The following NINL variants were observed in gnomAD, a reference collection of about 807,000 sequenced individuals.
The protein encoded by NINL is ninein-like protein.
In NINL, 153 loss-of-function variants were observed where a neutral mutation model predicts 160.3. That is an observed-to-expected ratio of 0.95 (90% confidence interval 0.84 to 1.09). The LOEUF is 1.09. NINL is among the 50% of genes least tolerant of loss of function. NINL has a pLI of 0.00. For missense variants in NINL, 1,829 were observed against 1,764.0 expected, an observed-to-expected ratio of 1.04 and a Z score of -0.66; for synonymous variants, 800 against 734.8, an observed-to-expected ratio of 1.09 and a Z score of -1.43.
At chr20:25,564,463 G>T in intron 1 of NINL, among the ~76,000 whole-genome samples, 1 of 152,106 alleles carries the variant, frequency 6.6e-6, no homozygotes, top group Non-Finnish European at 1.5e-5. Flanking sequence ...GATCACAGGC[G>T]CATGCCACCA....
At chr20:25,542,633 C>T (rs751667242) in intron 1 of NINL, among the ~76,000 whole-genome samples, 1 of 142,742 alleles carries the variant, frequency 7.0e-6, no homozygotes, top group Non-Finnish European at 1.5e-5. Flanking sequence ...CAGCAGCCCT[C>T]GAAGATGCTC....
intron 1 of NINL, among the ~76,000 whole-genome samples, chr20:25,529,422 T>C (rs1477353069): frequency 6.6e-6 from 1 of 152,184 alleles, no homozygotes; most frequent in Non-Finnish European, 1.5e-5. Context: ...GTTCATAGTC[T>C]CAGAGGTGCA....
intron 18 of NINL, among the ~76,000 whole-genome samples, chr20:25,468,313 C>A (rs2062969319): frequency 6.6e-6 from 1 of 150,924 alleles, no homozygotes; most frequent in African/African-American, 2.4e-5. Context: ...TGATGGGTGG[C>A]CCCCCGTCTG....
chr20:25,582,681 A>AT (rs1270149707), intron 1 of NINL, among the ~76,000 whole-genome samples: 1 of 152,228 alleles, frequency 6.6e-6, no homozygotes, highest in Non-Finnish European at 1.5e-5. Context: ...AGGGACAAGC[A>AT]TGAAAGTAGA....
chr20:25,500,027 C>T (rs943757212), intron 8 of NINL, among the ~76,000 whole-genome samples: 10 of 149,476 alleles, frequency 6.7e-5, no homozygotes, highest in African/African-American at 2.5e-4. Context: ...CTCTGCAGTA[C>T]ACCCACTACA....
chr20:25,580,131 G>A (rs2065156900), intron 1 of NINL, among the ~76,000 whole-genome samples: 2 of 152,124 alleles, frequency 1.3e-5, no homozygotes, highest in African/African-American at 4.8e-5. Flanking sequence ...TCAGGAGTTC[G>A]AGACCAGCGT....
intron 1 of NINL, among the ~76,000 whole-genome samples, chr20:25,567,253 G>C (rs968205672): frequency 6.6e-6 from 1 of 152,228 alleles, no homozygotes; most frequent in African/African-American, 2.4e-5. Context: ...AGGGGTGGTA[G>C]AGTGGAGGAA....
intron 1 of NINL, among the ~76,000 whole-genome samples, chr20:25,572,796 A>G (rs1030741051): frequency 6.6e-6 from 1 of 152,228 alleles, no homozygotes; most frequent in African/African-American, 2.4e-5. Context: ...CAACCTGAAA[A>G]GCCCTAGTGT....
intron 1 of NINL, among the ~76,000 whole-genome samples, chr20:25,556,991 G>T (rs956795774): frequency 6.6e-6 from 1 of 152,190 alleles, no homozygotes; most frequent in East Asian, 1.9e-4. Context: ...CCCACTCCCA[G>T]CTGGAAGGAA....
Position 25,462,480 on chromosome 20 carries a change from T to C in NINL, c.3485A>G (p.Glu1162Gly). 6.2e-7 allele frequency: 1 copy of C among 1,614,172 alleles called. No individual in the cohort carries two copies. The highest frequency in any genetic ancestry group is 1.1e-5 in the South Asian group (1 of 91,082). Residue 1162 changes from glutamate to glycine, a missense_variant, in exon 20 of 24, where the codon GAG becomes GGG. Coordinates refer to ENST00000278886, the MANE Select transcript of NINL (RefSeq NM_025176.6). ...LNVRVLQLGQEASTHQAQNEE... is the reference protein window; with the variant it reads ...LNVRVLQLGQGASTHQAQNEE... Reference sequence around the variant, plus strand: ...GTTTTGGGCCTGGTGGGTAGAAGCCTCCTGTCCCAGTTGAAGAACCCTGAC... The same window carrying C: ...GTTTTGGGCCTGGTGGGTAGAAGCCCCCTGTCCCAGTTGAAGAACCCTGAC...
At chr20:25,471,019 A>AT (rs2063081498) in intron 17 of NINL, among the ~76,000 whole-genome samples, 1 of 151,960 alleles carries the variant, frequency 6.6e-6, no homozygotes, top group Non-Finnish European at 1.5e-5. Context: ...CACTTCATGT[A>AT]TTTTTTTGTT....
Position 25,504,012 on chromosome 20 carries a change from G to T in NINL, c.801C>A (p.Pro267=). 3 of 1,613,850 alleles carry T rather than the reference G, an allele frequency of 1.9e-6. No individual in the cohort carries two copies. Among genetic ancestry groups the T allele is most frequent in the Non-Finnish European group, 2.5e-6 (3 of 1,179,902 alleles). Residue 267 remains proline, a synonymous_variant, in exon 7 of 24, where the codon CCC becomes CCA. Transcript: ENST00000278886. ...GAGTGGAAGACTCTAGAAGTAGCGC[G>T]GGCTCATGACTGAAGAGGCCAAGCT... is the stretch of plus-strand genomic sequence containing the variant. ...EFQLGLFSHE[P]ALLLESSTRV...
At chr20:25,466,102 G>A (rs2062906738) in intron 19 of NINL, among the ~76,000 whole-genome samples, 2 of 152,054 alleles carry the variant, frequency 1.3e-5, no homozygotes, top group African/African-American at 4.8e-5. Flanking sequence ...ACTCACTGTA[G>A]CCTCAACCTC....
At chr20:25,507,949 A>C (rs564786639) in intron 5 of NINL, among the ~76,000 whole-genome samples, 1 of 152,314 alleles carries the variant, frequency 6.6e-6, no homozygotes, top group African/African-American at 2.4e-5. Flanking sequence ...TCCTGTACAA[A>C]GGTTTCTGTA....
rs1482511218 is a variant in NINL, at chr20:25,480,154, C to T, written c.1917+7G>A. On this transcript the variant is annotated splice_region_variant and intron_variant, in intron 15 of 23. Coordinates refer to ENST00000278886, the MANE Select transcript of NINL (RefSeq NM_025176.6). ...CCCAGGGCCCCACAGCCCCATAATCCCCTCACCTTGGTCTCCAGCTGGGTC... is the reference window on the plus strand; with the variant it reads ...CCCAGGGCCCCACAGCCCCATAATCTCCTCACCTTGGTCTCCAGCTGGGTC... 2.5e-6 allele frequency: 4 copies of T among 1,608,970 alleles called. No homozygotes were observed. Among genetic ancestry groups the T allele is most frequent in the African/African-American group, 2.7e-5 (2 of 74,798 alleles).
rs79140129 is a variant in NINL, at chr20:25,500,812, C to A, written c.1032+28G>T. The stretch of plus-strand genomic sequence containing the variant: ...CAGACGGGCCCCCCAGGTCCCCTGT[C>A]CAGCTTAGGCATCACCCAGTTCCAA... On this transcript the variant is annotated intron_variant, in intron 8 of 23. Transcript: ENST00000278886. 977 of 1,603,792 alleles carry A rather than the reference C, an allele frequency of 6.1e-4. 9 individuals carry two copies. In the African/African-American group the frequency reaches 9.7e-3, roughly 16 times the overall value.
Position 25,486,541 on chromosome 20 carries a change from G to A in NINL, c.1677+2703C>T, listed in dbSNP as rs530225156. 5.3e-4 allele frequency among the ~76,000 whole-genome samples: 81 copies of A among 152,274 alleles called. 1 individual carries two copies. The highest frequency in any genetic ancestry group is 1.9e-3 in the African/African-American group (78 of 41,572). On this transcript the variant is annotated intron_variant, in intron 13 of 23. Transcript: ENST00000278886. ...CTGCAGTCCTAGCAGCACACCATCT[G>A]GACCCCATCCGCATGGCAGGCCCCA...
Position 25,481,924 on chromosome 20 carries a change from A to G in NINL, c.1810+44T>C, listed in dbSNP as rs750432311. Reference sequence around the variant, plus strand: ...TTCCTGGCTCTGGGCCTTGTTGTCAACAGCAGGCCTTGGGTCAGCCCCCTC... The same window carrying G: ...TTCCTGGCTCTGGGCCTTGTTGTCAGCAGCAGGCCTTGGGTCAGCCCCCTC... On this transcript the variant is annotated intron_variant, in intron 14 of 23. Coordinates refer to ENST00000278886, the MANE Select transcript of NINL (RefSeq NM_025176.6). 9 of 1,579,130 alleles carry G rather than the reference A, an allele frequency of 5.7e-6. No individual in the cohort carries two copies. In the East Asian group the frequency reaches 2.0e-4, roughly 36 times the overall value.
At chr20:25,569,855 C>A (rs2065035062) in intron 1 of NINL, among the ~76,000 whole-genome samples, 1 of 152,168 alleles carries the variant, frequency 6.6e-6, no homozygotes, top group East Asian at 1.9e-4. Context: ...AGAGCTTTCT[C>A]AGGAGCCTCG....
Sources: allele counts gnomAD v4.1 joint callset (sites outside exome capture counted in the v4.1 genomes callset), GRCh38; gene constraint gnomAD v4.1.1; transcripts MANE v1.5; gene names NCBI Gene and HGNC (gene_info 2026-07-23, HGNC 2026-07-21).